Variants in OTUD7A observed in about 807,000 individuals in gnomAD.
OTUD7A encodes OTU deubiquitinase 7A, also known as OTU domain-containing protein 7A.
OTUD7A carries 12 observed loss-of-function variants against 65.7 expected under a neutral mutation model. That is an observed-to-expected ratio of 0.18 (90% CI 0.12 to 0.30). The LOEUF (loss-of-function observed/expected upper bound fraction) is 0.30, where lower values mean the gene tolerates loss of function less well. OTUD7A is among the 10% of genes least tolerant of loss of function. OTUD7A has a pLI of 1.00. For synonymous variants in OTUD7A, 641 were observed against 586.3 expected, an observed-to-expected ratio of 1.09 and a Z score of -1.35; for missense variants, 1,148 against 1,304.8, an observed-to-expected ratio of 0.88 and a Z score of 1.85.
Position 31,764,491 on chromosome 15 carries a change from T to C in OTUD7A, c.-100+106016A>G, listed in dbSNP as rs73378664. Among the ~76,000 whole-genome samples, 1,167 of 152,194 alleles carry C rather than the reference T, an allele frequency of 7.7e-3. 17 individuals are homozygous for C. Among genetic ancestry groups the C allele is most frequent in the African/African-American group, 0.027 (1,106 of 41,530 alleles). ...TATGAAACAATCTTGAAGTAAAAAA[T>C]AGAAGGCAACTTGCTTCAAGTTTGT... On this transcript the variant is annotated intron_variant, in intron 1 of 12. Transcript: ENST00000307050.
At chr15:31,679,593 T>C (rs1333086807) in intron 1 of OTUD7A, among the ~76,000 whole-genome samples, 2 of 152,164 alleles carry the variant, frequency 1.3e-5, no homozygotes, top group Non-Finnish European at 2.9e-5. Flanking sequence ...GTGCCTGGCA[T>C]TTCCACTGCT....
At chr15:31,783,951 G>A (rs1426314560) in intron 1 of OTUD7A, among the ~76,000 whole-genome samples, 1 of 152,148 alleles carries the variant, frequency 6.6e-6, no homozygotes, top group Non-Finnish European at 1.5e-5. Flanking sequence ...ATCTACTACT[G>A]TGAATCTGAC....
rs181317723 is a variant in OTUD7A, at chr15:31,685,810, G to C, written c.-99-28733C>G. 2.6e-3 allele frequency among the ~76,000 whole-genome samples: 394 copies of C among 152,330 alleles called. 3 individuals carry two copies. Among genetic ancestry groups the C allele is most frequent in the African/African-American group, 8.9e-3 (372 of 41,574 alleles). On this transcript the variant is annotated intron_variant, in intron 1 of 12. Transcript: ENST00000307050. ...TTTTGCACGCTCTAGGAGTAAACCA[G>C]AACCAAGATGGACATAGGGAATTCA...
Position 31,483,734 on chromosome 15 carries a change from C to A in OTUD7A, c.2362G>T (p.Asp788Tyr). 9.0e-7 allele frequency: 1 copy of A among 1,111,442 alleles called. No homozygotes were observed. The highest frequency in any genetic ancestry group is 4.1e-5 in the South Asian group (1 of 24,270). 68.8% of individuals were successfully genotyped at this position (1,111,442 alleles called of 1,614,324 possible). Residue 788 changes from aspartate to tyrosine, a missense_variant, in exon 13 of 13, where the codon GAC (aspartate) becomes TAC (tyrosine). Asp to Tyr is a radical substitution (Grantham distance 160). Coordinates refer to ENST00000307050, the MANE Select transcript of OTUD7A (RefSeq NM_001382637.1). ...VIHVQASGAR[D>Y]EACAPAVGAL... Reference sequence around the variant, plus strand: ...CCCACGGCCGGCGCGCACGCCTCGTCCCGCGCGCCCGACGCCTGCACGTGG... The same window carrying A: ...CCCACGGCCGGCGCGCACGCCTCGTACCGCGCGCCCGACGCCTGCACGTGG...
Position 31,536,932 on chromosome 15 carries a change from T to C in OTUD7A, c.551-6124A>G, listed in dbSNP as rs546506123. Among the ~76,000 whole-genome samples the C allele has an allele frequency of 2.4e-3, 367 of 152,250 alleles. 3 individuals are homozygous for C. Among genetic ancestry groups the C allele is most frequent in the African/African-American group, 8.6e-3 (357 of 41,536 alleles). ...TTCAATGTTGGATAGCAGAATAGGG[T>C]GATTCTACTTAACAAAAATGTATTG... is the stretch of plus-strand genomic sequence containing the variant. On this transcript the variant is annotated intron_variant, in intron 5 of 12. Transcript: ENST00000307050.
chr15:31,719,274 G>A (rs1283002265), intron 1 of OTUD7A, among the ~76,000 whole-genome samples: 1 of 151,820 alleles, frequency 6.6e-6, no homozygotes, highest in African/African-American at 2.4e-5. Context: ...CTCCTTCATT[G>A]TTGGCTCCAA....
At chr15:31,683,442 T>C (rs1203560991) in intron 1 of OTUD7A, among the ~76,000 whole-genome samples, 9 of 152,328 alleles carry the variant, frequency 5.9e-5, no homozygotes, top group African/African-American at 2.2e-4. Flanking sequence ...GAAACACTTA[T>C]ATAAATACAA....
chr15:31,762,629 G>T (rs1894997180), intron 1 of OTUD7A, among the ~76,000 whole-genome samples: 1 of 152,208 alleles, frequency 6.6e-6, no homozygotes, highest in Admixed American at 6.5e-5. Flanking sequence ...GCCACTGAGT[G>T]GTGCGTAAGC....
intron 5 of OTUD7A, among the ~76,000 whole-genome samples, chr15:31,536,307 G>A (rs978764824): frequency 3.3e-5 from 5 of 152,156 alleles, no homozygotes. Context: ...TCACTTCTTG[G>A]ATAATACTAA....
chr15:31,495,339 TG>T (rs1025490194), intron 10 of OTUD7A, among the ~76,000 whole-genome samples: 20 of 152,340 alleles, frequency 1.3e-4, no homozygotes, highest in African/African-American at 4.8e-4. Context: ...CTCAGCTCTC[TG>T]GGCACCTGCC....
intron 3 of OTUD7A, among the ~76,000 whole-genome samples, chr15:31,610,617 A>ATATATATATATTTTTTTTTTTTTTTT: frequency 3.3e-5 from 1 of 30,560 alleles, no homozygotes; most frequent in East Asian, 1.9e-3. Flanking sequence ...ATATATATAT[A>ATATATATATATTTTTTTTTTTTTTTT]TTTTTTTTTT....
chr15:31,610,187 C>G (rs1383801396), intron 3 of OTUD7A, among the ~76,000 whole-genome samples: 2 of 152,136 alleles, frequency 1.3e-5, no homozygotes, highest in Non-Finnish European at 2.9e-5. Context: ...TTTAAAGCAA[C>G]AGCAGTTAAA....
chr15:31,688,109 G>A (rs1023561044), intron 1 of OTUD7A, among the ~76,000 whole-genome samples: 42 of 152,150 alleles, frequency 2.8e-4, no homozygotes, highest in African/African-American at 9.2e-4. Context: ...CCAGCTACTC[G>A]GGAGGCTGAG....
At chr15:31,663,076 G>T (rs1391260192) in intron 1 of OTUD7A, among the ~76,000 whole-genome samples, 1 of 143,622 alleles carries the variant, frequency 7.0e-6, no homozygotes, top group African/African-American at 2.6e-5. Context: ...TTTTTGAGAT[G>T]GAGTATCCCT....
chr15:31,846,514 C>T (rs187272533), intron 1 of OTUD7A, among the ~76,000 whole-genome samples: 1 of 152,170 alleles, frequency 6.6e-6, no homozygotes, highest in African/African-American at 2.4e-5. Context: ...TAAGAACGGG[C>T]AGGAACTGGT....
chr15:31,737,009 G>C (rs188480333), intron 1 of OTUD7A, among the ~76,000 whole-genome samples: 50 of 152,074 alleles, frequency 3.3e-4, no homozygotes, highest in African/African-American at 1.2e-3. Context: ...TTTAGTAGAG[G>C]CAGGGTTTCA....
chr15:31,478,077 G>A lies in OTUD7A; in HGVS notation c.*5217C>T, dbSNP rs1029161173. The A allele has an allele frequency of 6.6e-5, 10 of 152,374 alleles. No individual in the cohort carries two copies. Among genetic ancestry groups the A allele is most frequent in the Admixed American group, 2.0e-4 (3 of 15,308 alleles). 9.4% of individuals were successfully genotyped at this position (152,374 alleles called of 1,614,324 possible). A position where few individuals can be genotyped will look rare whatever the true frequency, so the allele number is the denominator to read the frequency against. On this transcript the variant is annotated 3_prime_UTR_variant, in exon 13 of 13. Transcript: ENST00000307050. ...CAGGAGGGTGCCTGTGACTAGAAAC[G>A]GCAGGAAGGCCTACGTCCCAGGGCA...
intron 3 of OTUD7A, among the ~76,000 whole-genome samples, chr15:31,575,067 A>G (rs1217907798): frequency 6.6e-6 from 1 of 152,244 alleles, no homozygotes; most frequent in Non-Finnish European, 1.5e-5. Flanking sequence ...TGTGAAACAG[A>G]AACTGATTAA....
intron 3 of OTUD7A, among the ~76,000 whole-genome samples, chr15:31,600,017 T>C (rs1890027661): frequency 6.6e-6 from 1 of 152,178 alleles, no homozygotes; most frequent in South Asian, 2.1e-4. Context: ...TACATTTGAC[T>C]GATATACCTG....
Sources: allele counts gnomAD v4.1 joint callset (sites outside exome capture counted in the v4.1 genomes callset), GRCh38; gene constraint gnomAD v4.1.1; transcripts MANE v1.5; gene names NCBI Gene and HGNC (gene_info 2026-07-23, HGNC 2026-07-21).